CSMD1: variants seen among roughly 807,000 people sequenced by gnomAD.
The protein encoded by CSMD1 is CUB and Sushi multiple domains 1.
In CSMD1, 213 loss-of-function variants were observed where a neutral mutation model predicts 417.5. That is an observed-to-expected ratio of 0.51 (90% CI 0.46 to 0.57). CSMD1 has a LOEUF of 0.57. CSMD1 is among the 20% of genes least tolerant of loss of function. The pLI, the probability that CSMD1 is intolerant of heterozygous loss-of-function variation, is 0.00. For missense variants in CSMD1, 6,923 were observed against 4,529.7 expected, an observed-to-expected ratio of 1.53 and a Z score of -15.17; for synonymous variants, 2,862 against 1,736.8, an observed-to-expected ratio of 1.65 and a Z score of -16.11.
chr8:3,432,237 C>T (rs1052628047), intron 12 of CSMD1, among the ~76,000 whole-genome samples: 3 of 151,982 alleles, frequency 2.0e-5, no homozygotes, highest in East Asian at 1.9e-4. Flanking sequence ...AAAAATAAAA[C>T]ACCTTTTAAA....
chr8:4,387,870 G>A (rs1803560770), intron 3 of CSMD1, among the ~76,000 whole-genome samples: 2 of 152,014 alleles, frequency 1.3e-5, no homozygotes, highest in African/African-American at 4.8e-5. Context: ...ATTCTTTAAT[G>A]TCCTTATTCC....
chr8:4,068,181 G>T (rs942541225), intron 3 of CSMD1, among the ~76,000 whole-genome samples: 1 of 152,196 alleles, frequency 6.6e-6, no homozygotes, highest in Non-Finnish European at 1.5e-5. Context: ...CTTAGGAAAG[G>T]GGTGGCAGAA....
chr8:3,463,583 C>A (rs1299907220), intron 12 of CSMD1, among the ~76,000 whole-genome samples: 1 of 152,170 alleles, frequency 6.6e-6, no homozygotes. Context: ...CTCACAAGGA[C>A]AGGGGCATGA....
chr8:4,186,684 T>C (rs1798696909), intron 3 of CSMD1, among the ~76,000 whole-genome samples: 2 of 152,118 alleles, frequency 1.3e-5, no homozygotes, highest in South Asian at 4.1e-4. Context: ...TTGTTTTCTA[T>C]TAAGACTAAA....
intron 20 of CSMD1, 94 bp downstream of exon 20, chr8:3,366,938 C>G (rs2117756336): frequency 3.1e-6 from 3 of 963,466 alleles, no homozygotes; most frequent in Admixed American, 4.0e-5. Flanking sequence ...CGGATGCACA[C>G]ATTACACACA....
At chr8:3,364,936 G>T (rs1214460090) in intron 20 of CSMD1, among the ~76,000 whole-genome samples, 2 of 152,224 alleles carry the variant, frequency 1.3e-5, no homozygotes, top group Non-Finnish European at 2.9e-5. Context: ...AGAAACTGAT[G>T]CAGTAAAATG....
chr8:4,295,004 C>G (rs1797580433), intron 3 of CSMD1, among the ~76,000 whole-genome samples: 1 of 149,370 alleles, frequency 6.7e-6, no homozygotes, highest in East Asian at 2.0e-4. Flanking sequence ...TGAACCCAAT[C>G]TAAGGTGTTA....
intron 3 of CSMD1, among the ~76,000 whole-genome samples, chr8:4,093,643 G>C (rs1020236060): frequency 1.3e-5 from 2 of 152,052 alleles, no homozygotes; most frequent in African/African-American, 4.8e-5. Context: ...ATGATTGAGA[G>C]GAGAAAGTGA....
At chr8:3,598,853 C>T (rs1049119163) in intron 8 of CSMD1, among the ~76,000 whole-genome samples, 3 of 152,098 alleles carry the variant, frequency 2.0e-5, no homozygotes, top group Non-Finnish European at 1.5e-5. Flanking sequence ...GAGGCCGACA[C>T]AGGTGGATCA....
intron 1 of CSMD1, among the ~76,000 whole-genome samples, chr8:4,861,200 C>T (rs1035855720): frequency 4.6e-5 from 7 of 152,094 alleles, no homozygotes; most frequent in Admixed American, 2.0e-4. Context: ...ATCTCAGAGA[C>T]CTGCTCTAAT....
intron 2 of CSMD1, among the ~76,000 whole-genome samples, chr8:4,537,427 ATTATTG>A (rs1171950469): frequency 6.6e-6 from 1 of 152,096 alleles, no homozygotes; most frequent in Non-Finnish European, 1.5e-5. Flanking sequence ...GATTATTCCT[ATTATTG>A]TTATTGTTAT....
rs572418047 is a variant in CSMD1 at position 3,548,381 on chromosome 8, T to C, written c.1344+26564A>G. The stretch of plus-strand genomic sequence containing the variant: ...TCTTCAGTGGTGATTCGTGAGATTT[T>C]GGTGCACTTATCACCTGAGCAGTAT... On this transcript the variant is annotated intron_variant, in intron 10 of 69. Coordinates refer to ENST00000635120, the MANE Select transcript of CSMD1 (RefSeq NM_033225.6). Among the ~76,000 whole-genome samples, 165 of 152,206 alleles carry C rather than the reference T, an allele frequency of 1.1e-3. 1 individual carries two copies. Among genetic ancestry groups the C allele is most frequent in the African/African-American group, 3.8e-3 (159 of 41,540 alleles).
At chr8:3,011,547 A>G (rs1287820612) in intron 52 of CSMD1, among the ~76,000 whole-genome samples, 1 of 152,232 alleles carries the variant, frequency 6.6e-6, no homozygotes, top group African/African-American at 2.4e-5. Flanking sequence ...ATAAATAACC[A>G]TTATATTGCA....
chr8:4,808,866 A>C (rs1310816346), intron 1 of CSMD1, among the ~76,000 whole-genome samples: 1 of 152,232 alleles, frequency 6.6e-6, no homozygotes, highest in Non-Finnish European at 1.5e-5. Context: ...TCTCTCCAAC[A>C]AGTCTGGATC....
chr8:4,391,007 G>A (rs948356180), intron 3 of CSMD1, among the ~76,000 whole-genome samples: 1 of 152,240 alleles, frequency 6.6e-6, no homozygotes, highest in African/African-American at 2.4e-5. Flanking sequence ...TGTACTTCAG[G>A]AATTCATTTT....
chr8:4,080,428 T>G (rs964510591), intron 3 of CSMD1, among the ~76,000 whole-genome samples: 30 of 152,194 alleles, frequency 2.0e-4, no homozygotes, highest in Non-Finnish European at 7.3e-5. Context: ...ATCATGCCAT[T>G]ACATACATTA....
chr8:3,074,391 C>A lies in CSMD1; in HGVS notation c.7474+12706G>T, dbSNP rs151118069. ...AATCACGGGAGGAGGGTCCACCGCA[C>A]CCCCAGGTCCATAGGGAGCTGTCTA... On this transcript the variant is annotated intron_variant, in intron 49 of 69. Coordinates refer to ENST00000635120, the MANE Select transcript of CSMD1 (RefSeq NM_033225.6). 1.8e-3 allele frequency among the ~76,000 whole-genome samples: 268 copies of A among 152,260 alleles called. 1 individual carries two copies. The highest frequency in any genetic ancestry group is 7.3e-3 in the South Asian group (35 of 4,826).
At chr8:3,102,897 C>T (rs1001816320) in intron 46 of CSMD1, among the ~76,000 whole-genome samples, 1 of 152,174 alleles carries the variant, frequency 6.6e-6, no homozygotes, top group Non-Finnish European at 1.5e-5. Flanking sequence ...CAGGAGGACC[C>T]TTTTAGAATT....
intron 12 of CSMD1, among the ~76,000 whole-genome samples, chr8:3,437,411 T>C (rs1017207327): frequency 6.6e-6 from 1 of 152,182 alleles, no homozygotes; most frequent in Non-Finnish European, 1.5e-5. Flanking sequence ...TTCTGACTTA[T>C]CCTAAAGGCT....
Sources: gnomAD v4.1 joint callset for allele counts (sites outside exome capture counted in the v4.1 genomes callset) on GRCh38, gnomAD v4.1.1 for gene constraint, MANE v1.5 for transcripts, NCBI Gene and HGNC (gene_info 2026-07-23, HGNC 2026-07-21) for gene names.